Variants in ATXN1 observed in about 807,000 individuals in gnomAD.
The protein encoded by ATXN1 is ataxin-1.
A neutral mutation model predicts 56.4 loss-of-function variants in ATXN1; 8 were observed. The observed-to-expected ratio is 0.14, with a 90% confidence interval of 0.08 to 0.26. The LOEUF (loss-of-function observed/expected upper bound fraction) is 0.26, where lower values mean the gene tolerates loss of function less well. ATXN1 is among the 10% of genes least tolerant of loss of function. ATXN1 has a pLI of 1.00. For missense variants in ATXN1, 987 were observed against 1,106.5 expected (o/e 0.89, Z 1.53); for synonymous variants, 514 against 494.6 (o/e 1.04, Z -0.52).
chr6:16,384,471 C>T (rs75406553), intron 6 of ATXN1, among the ~76,000 whole-genome samples: 14,760 of 152,268 alleles, frequency 0.097, 771 homozygotes, highest in Non-Finnish European at 0.12. Flanking sequence ...CAACTGCCTA[C>T]TATGCATCAG....
chr6:16,678,764 G>A (rs1036452831), intron 2 of ATXN1, among the ~76,000 whole-genome samples: 5 of 152,178 alleles, frequency 3.3e-5, no homozygotes, highest in South Asian at 4.1e-4. Flanking sequence ...GGCTGGGTGC[G>A]GTGGCTCACG....
At chr6:16,529,196 T>C (rs1761452444) in intron 4 of ATXN1, among the ~76,000 whole-genome samples, 1 of 147,538 alleles carries the variant, frequency 6.8e-6, no homozygotes, top group Non-Finnish European at 1.5e-5. Flanking sequence ...AAAATCTTTG[T>C]CAGGGTTTTT....
At chr6:16,567,729 T>A (rs953830756) in intron 4 of ATXN1, among the ~76,000 whole-genome samples, 1 of 152,242 alleles carries the variant, frequency 6.6e-6, no homozygotes, top group African/African-American at 2.4e-5. Flanking sequence ...CTTTTTACTT[T>A]ACAATCTAAT....
chr6:16,607,596 G>A (rs995219217), intron 3 of ATXN1, among the ~76,000 whole-genome samples: 1 of 152,210 alleles, frequency 6.6e-6, no homozygotes, highest in Admixed American at 6.5e-5. Flanking sequence ...GTTTCCATCT[G>A]ATAGGTCAAA....
rs1178702954 is a variant in ATXN1, at chr6:16,618,560, A to G, written c.-488-32653T>C. On this transcript the variant is annotated intron_variant, in intron 3 of 7. Coordinates refer to ENST00000436367, the MANE Select transcript of ATXN1 (RefSeq NM_001128164.2). ...AGCCTGGCCAACATGGCGAAACCCCATCTCTACTAAAAATACAAGAAATTA... is the reference window on the plus strand; with the variant it reads ...AGCCTGGCCAACATGGCGAAACCCCGTCTCTACTAAAAATACAAGAAATTA... 2.6e-5 allele frequency among the ~76,000 whole-genome samples: 4 copies of G among 152,242 alleles called. No individual in the cohort carries two copies. The East Asian group carries it at 5.8e-4, about 22-fold the overall frequency.
At chr6:16,421,656 G>A in intron 6 of ATXN1, among the ~76,000 whole-genome samples, 1 of 109,056 alleles carries the variant, frequency 9.2e-6, no homozygotes, top group South Asian at 3.9e-4. Context: ...ACGGGAGGGT[G>A]GGGGGGGCGT....
intron 2 of ATXN1, among the ~76,000 whole-genome samples, chr6:16,688,857 C>T (rs1758976018): frequency 6.6e-6 from 1 of 152,028 alleles, no homozygotes; most frequent in African/African-American, 2.4e-5. Context: ...ACCACCAAAA[C>T]CTGATTAGAC....
At chr6:16,668,706 GC>G (rs1758480183) in intron 2 of ATXN1, among the ~76,000 whole-genome samples, 1 of 152,144 alleles carries the variant, frequency 6.6e-6, no homozygotes, top group Non-Finnish European at 1.5e-5. Context: ...CCAGTTCCAT[GC>G]CCTGTTCAAG....
intron 4 of ATXN1, among the ~76,000 whole-genome samples, chr6:16,560,333 G>T (rs1336194088): frequency 6.6e-6 from 1 of 151,508 alleles, no homozygotes; most frequent in Non-Finnish European, 1.5e-5. Context: ...GGGAGGCTGA[G>T]GCAGGAGAAT....
rs1317655038 is a variant in ATXN1, at chr6:16,753,264, G to C, written c.-646C>G. ...TGTGATGCACTTCCCTGTAGTGGCAGTGGAGGAGGAGATTGCTGTACAAGG... is the reference window on the plus strand; with the variant it reads ...TGTGATGCACTTCCCTGTAGTGGCACTGGAGGAGGAGATTGCTGTACAAGG... On this transcript the variant is annotated 5_prime_UTR_variant, in exon 2 of 8. Coordinates refer to ENST00000436367, the MANE Select transcript of ATXN1 (RefSeq NM_001128164.2). The C allele has an allele frequency of 2.2e-6, 1 of 456,662 alleles. No homozygotes were observed. The highest frequency in any genetic ancestry group is 2.0e-5 in the African/African-American group (1 of 50,086). The allele number at this position is 456,662 out of a possible 1,614,324, so 28.3% of individuals were successfully genotyped here. A position where few individuals can be genotyped will look rare whatever the true frequency, so the allele number is the denominator to read the frequency against.
chr6:16,760,623 C>G lies in ATXN1; in HGVS notation c.-730+675G>C, dbSNP rs1305591395. Among the ~76,000 whole-genome samples, 3 of 151,198 alleles carry G rather than the reference C, an allele frequency of 2.0e-5. No individual in the cohort carries two copies. The highest frequency in any genetic ancestry group is 7.3e-5 in the African/African-American group (3 of 41,302). Reference sequence around the variant, plus strand: ...TCCCGTCCCGGCTGCAGGAGCAGTCCCTTCCCCGCCCGCAGCCGCACACCC... The same window carrying G: ...TCCCGTCCCGGCTGCAGGAGCAGTCGCTTCCCCGCCCGCAGCCGCACACCC... On this transcript the variant is annotated intron_variant, in intron 1 of 7. Transcript: ENST00000436367. This position sits in a 1 kb window ranked among gnomAD's most constrained non-coding sequence, Gnocchi z 5.3.
chr6:16,568,642 C>T (rs901024033), intron 4 of ATXN1, among the ~76,000 whole-genome samples: 7 of 144,598 alleles, frequency 4.8e-5, no homozygotes, highest in South Asian at 2.5e-4. Flanking sequence ...CTTTCTTTTT[C>T]GGTACCTGGA....
intron 2 of ATXN1, among the ~76,000 whole-genome samples, chr6:16,673,145 A>G (rs910635039): frequency 1.3e-5 from 2 of 151,474 alleles, no homozygotes. Context: ...TGAGACCTGT[A>G]TTGGATTTCT....
intron 4 of ATXN1, among the ~76,000 whole-genome samples, chr6:16,571,806 T>C (rs930273276): frequency 6.6e-6 from 1 of 152,080 alleles, no homozygotes; most frequent in Admixed American, 6.5e-5. Context: ...GACTACAGGC[T>C]CATGCCACCA....
At chr6:16,667,846 TACTGAAC>T (rs1366211393) in intron 2 of ATXN1, among the ~76,000 whole-genome samples, 2 of 152,224 alleles carry the variant, frequency 1.3e-5, no homozygotes, top group East Asian at 3.8e-4. Flanking sequence ...GTTAAAAACA[TACTGAAC>T]ACTTTCTAGA....
At chr6:16,620,659 T>C (rs1763304221) in intron 3 of ATXN1, among the ~76,000 whole-genome samples, 1 of 152,216 alleles carries the variant, frequency 6.6e-6, no homozygotes, top group Admixed American at 6.5e-5. Context: ...AAACAGAGGT[T>C]GTTGATCATC....
chr6:16,726,410 C>T (rs965365790), intron 2 of ATXN1, among the ~76,000 whole-genome samples: 3 of 151,304 alleles, frequency 2.0e-5, no homozygotes, highest in Non-Finnish European at 1.5e-5. Flanking sequence ...GAAGGGTTCC[C>T]AGTTCTGCCC....
intron 7 of ATXN1, among the ~76,000 whole-genome samples, chr6:16,307,876 A>C (rs562573217): frequency 1.3e-5 from 2 of 151,556 alleles, no homozygotes; most frequent in East Asian, 4.0e-4. Context: ...TAAAAAGGCC[A>C]GGCGCGGTGG....
intron 6 of ATXN1, among the ~76,000 whole-genome samples, chr6:16,406,846 G>A (rs950837995): frequency 1.3e-5 from 2 of 152,168 alleles, no homozygotes; most frequent in Middle Eastern, 3.2e-3. Context: ...AGAATGTGAG[G>A]TCCCATTCCA....
Sources: allele counts gnomAD v4.1 joint callset (sites outside exome capture counted in the v4.1 genomes callset), GRCh38; gene constraint gnomAD v4.1.1; non-coding constraint Gnocchi (gnomAD v3.1); transcripts MANE v1.5; gene names NCBI Gene and HGNC (gene_info 2026-07-23, HGNC 2026-07-21).